FYB2: variants seen among roughly 807,000 people sequenced by gnomAD.
FYB2 encodes FYN-binding protein 2.
Under a neutral mutation model 94.1 loss-of-function variants are expected in FYB2, and 103 were observed. The observed-to-expected ratio is 1.09, with a 90% CI of 0.93 to 1.29. The LOEUF is 1.29. FYB2 is among the 50% of genes most tolerant of loss of function. The probability of loss-of-function intolerance (pLI) is 0.00; values close to 1 mark genes in which losing one functional copy is unlikely to be tolerated. For synonymous variants in FYB2, 293 were observed against 287.9 expected (o/e 1.02, Z -0.18); for missense variants, 896 against 841.5 (o/e 1.06, Z -0.80).
At chr1:56,806,467 G>A (rs1646649827) in intron 1 of FYB2, among the ~76,000 whole-genome samples, 1 of 152,114 alleles carries the variant, frequency 6.6e-6, no homozygotes, top group South Asian at 2.1e-4. Context: ...GCTGAAATGT[G>A]AGATGAGAAG....
chr1:56,753,640 C>T (rs775011527), intron 8 of FYB2, among the ~76,000 whole-genome samples, 199 bp downstream of exon 8: 6 of 151,986 alleles, frequency 3.9e-5, no homozygotes, highest in Admixed American at 1.3e-4. Context: ...CTTCTAAGGT[C>T]GGCTTCATGG....
At chr1:56,809,882 A>C (rs1158103785) in intron 1 of FYB2, among the ~76,000 whole-genome samples, 1 of 152,104 alleles carries the variant, frequency 6.6e-6, no homozygotes, top group Admixed American at 6.5e-5. Context: ...CTACCTCCTG[A>C]TCAGTGAAGT....
At chr1:56,767,309 T>C (rs1454132935) in intron 5 of FYB2, among the ~76,000 whole-genome samples, 1 of 152,200 alleles carries the variant, frequency 6.6e-6, no homozygotes, top group Non-Finnish European at 1.5e-5. Flanking sequence ...TCCCGAGCAT[T>C]GTCAGCAATG....
chr1:56,751,949 C>T lies in FYB2; in HGVS notation c.1228-746G>A, dbSNP rs571316571. Reference sequence around the variant, plus strand: ...CTGGGAGATGGGTTAGAGAAGACCTCGAAAAGCAGATTTTATTAAATTGTA... The same window carrying T: ...CTGGGAGATGGGTTAGAGAAGACCTTGAAAAGCAGATTTTATTAAATTGTA... On this transcript the variant is annotated intron_variant, in intron 8 of 19. Coordinates refer to ENST00000343433, the MANE Select transcript of FYB2 (RefSeq NM_001004303.5). Among the ~76,000 whole-genome samples the T allele has an allele frequency of 4.6e-5, 7 of 151,808 alleles. No individual in the cohort carries two copies. The South Asian group carries it at 1.0e-3, about 23-fold the overall frequency.
intron 8 of FYB2, among the ~76,000 whole-genome samples, chr1:56,752,310 G>A (rs767088064): frequency 3.3e-5 from 5 of 152,040 alleles, no homozygotes; most frequent in Non-Finnish European, 5.9e-5. Context: ...CTGACAGGAC[G>A]AGACCCTGGA....
chr1:56,745,109 C>T (rs1052893239), intron 9 of FYB2, among the ~76,000 whole-genome samples: 3 of 152,006 alleles, frequency 2.0e-5, no homozygotes, highest in African/African-American at 7.2e-5. Context: ...TACTTTTTCT[C>T]AAGGAGTTAT....
intron 15 of FYB2, among the ~76,000 whole-genome samples, chr1:56,727,448 T>C (rs879760276): frequency 2.0e-5 from 3 of 151,962 alleles, no homozygotes; most frequent in Non-Finnish European, 2.9e-5. Context: ...TCAATACTTA[T>C]CAACAATCGA....
intron 9 of FYB2, among the ~76,000 whole-genome samples, chr1:56,746,851 T>C (rs1317703264): frequency 1.3e-5 from 2 of 152,026 alleles, no homozygotes; most frequent in Non-Finnish European, 2.9e-5. Context: ...ATGCATTATG[T>C]TCAACCTTAG....
chr1:56,756,922 A>G lies in FYB2; in HGVS notation c.1099-995T>C, dbSNP rs1645347146. Among the ~76,000 whole-genome samples the G allele has an allele frequency of 2.6e-5, 4 of 152,140 alleles. No individual in the cohort carries two copies. In the South Asian group the frequency reaches 8.3e-4, roughly 32 times the overall value. ...AGAATACAAAAAACTGACTTGTGGT[A>G]GTTTGGTGTGAAGGGAACTAGTTCT... On this transcript the variant is annotated intron_variant, in intron 6 of 19. Transcript: ENST00000343433.
At chr1:56,731,129 C>G (rs943229714) in intron 15 of FYB2, among the ~76,000 whole-genome samples, 5 of 151,966 alleles carry the variant, frequency 3.3e-5, no homozygotes, top group African/African-American at 1.2e-4. Flanking sequence ...GGACATCCTT[C>G]CTGCACACAA....
chr1:56,818,683 C>G (rs1646942864), intron 1 of FYB2, among the ~76,000 whole-genome samples: 1 of 152,168 alleles, frequency 6.6e-6, no homozygotes, highest in Non-Finnish European at 1.5e-5. Flanking sequence ...CCATACATCT[C>G]TATTTATACA....
At chr1:56,819,546 C>A, upstream of FYB2, 1 of 584,684 alleles carries the variant, frequency 1.7e-6, no homozygotes, top group Non-Finnish European at 3.1e-6. Context: ...GAGTACTCCA[C>A]CTGCAGTCCT....
chr1:56,782,539 G>C (rs1031352364), intron 4 of FYB2, among the ~76,000 whole-genome samples: 1 of 151,876 alleles, frequency 6.6e-6, no homozygotes, highest in African/African-American at 2.4e-5. Flanking sequence ...TTCCCACTCT[G>C]CTTGGGGTAG....
chr1:56,782,180 C>T (rs1214032577), intron 4 of FYB2, among the ~76,000 whole-genome samples: 2 of 152,112 alleles, frequency 1.3e-5, no homozygotes, highest in Non-Finnish European at 2.9e-5. Context: ...TATTGTCACT[C>T]TACTGATCTA....
intron 9 of FYB2, among the ~76,000 whole-genome samples, chr1:56,747,268 TTTTAC>T (rs768697195): frequency 6.6e-6 from 1 of 151,822 alleles, no homozygotes; most frequent in Non-Finnish European, 1.5e-5. Flanking sequence ...TTTTTTTTTA[TTTTAC>T]TTTAAGTTCT....
intron 4 of FYB2, among the ~76,000 whole-genome samples, chr1:56,772,940 G>A (rs1255004194): frequency 6.6e-6 from 1 of 151,990 alleles, no homozygotes; most frequent in African/African-American, 2.4e-5. Flanking sequence ...CATAGCATCA[G>A]GTTTCTAACT....
At chr1:56,755,461 C>A (rs1645304687) in intron 7 of FYB2, among the ~76,000 whole-genome samples, 1 of 151,996 alleles carries the variant, frequency 6.6e-6, no homozygotes, top group Non-Finnish European at 1.5e-5. Context: ...TGGGGTGAAT[C>A]AATGACTTAA....
chr1:56,757,649 C>CTT (rs1645367135), intron 6 of FYB2, among the ~76,000 whole-genome samples: 4 of 149,190 alleles, frequency 2.7e-5, no homozygotes, highest in African/African-American at 9.8e-5. Flanking sequence ...CTTTTCCTTT[C>CTT]TTTCTTTCTT....
At chr1:56,796,365 C>T (rs2101000768) in intron 1 of FYB2, among the ~76,000 whole-genome samples, 1 of 152,154 alleles carries the variant, frequency 6.6e-6, no homozygotes, top group Non-Finnish European at 1.5e-5. Context: ...TAAAACCATG[C>T]CCCATTTTTC....
Sources: allele counts gnomAD v4.1 joint callset (sites outside exome capture counted in the v4.1 genomes callset), GRCh38; gene constraint gnomAD v4.1.1; transcripts MANE v1.5; gene names NCBI Gene and HGNC (gene_info 2026-07-23, HGNC 2026-07-21).